Variants in SBF2 observed in about 807,000 individuals in gnomAD.
SBF2 encodes the protein SET binding factor 2.
Under a neutral mutation model 225.2 loss-of-function variants are expected in SBF2, and 112 were observed. That is an observed-to-expected ratio of 0.50 (90% CI 0.43 to 0.58). The LOEUF is 0.58. Ranked by LOEUF, SBF2 falls within the 20% of genes least tolerant of loss-of-function variation. The probability of loss-of-function intolerance (pLI) is 0.00; values close to 1 mark genes in which losing one functional copy is unlikely to be tolerated. For synonymous variants in SBF2, 763 were observed against 773.3 expected (o/e 0.99, Z 0.22); for missense variants, 1,996 against 2,206.2 (o/e 0.90, Z 1.91).
At chr11:9,850,521 G>A (rs1856848986) in intron 21 of SBF2, among the ~76,000 whole-genome samples, 1 of 152,058 alleles carries the variant, frequency 6.6e-6, no homozygotes, top group Non-Finnish European at 1.5e-5. Flanking sequence ...GCCTCCCAAA[G>A]TGCTAGGATT....
In SBF2 at chr11:9,938,174, C is replaced by T. The variant is rs1229715090; in HGVS notation, c.1860+23783G>A. Among the ~76,000 whole-genome samples the T allele has an allele frequency of 2.0e-5, 3 of 151,834 alleles. No homozygotes were observed. The East Asian group carries it at 5.8e-4, about 29-fold the overall frequency. Reference sequence around the variant, plus strand: ...GGCGTGGTGGCGGGCGCCTCTAGTCCCAGCTACTCAAGAGGCTGTGGCAGG... The same window carrying T: ...GGCGTGGTGGCGGGCGCCTCTAGTCTCAGCTACTCAAGAGGCTGTGGCAGG... On this transcript the variant is annotated intron_variant, in intron 16 of 39. Coordinates refer to ENST00000256190, the MANE Select transcript of SBF2 (RefSeq NM_030962.4).
At chr11:10,166,223 T>C (rs1276701430) in intron 2 of SBF2, among the ~76,000 whole-genome samples, 9 of 152,202 alleles carry the variant, frequency 5.9e-5, no homozygotes. Flanking sequence ...GTATACAAAC[T>C]TATTTAATCA....
At chr11:10,176,953 G>A (rs1956493778) in intron 2 of SBF2, among the ~76,000 whole-genome samples, 1 of 152,232 alleles carries the variant, frequency 6.6e-6, no homozygotes, top group East Asian at 1.9e-4. Flanking sequence ...TAAAATACTG[G>A]CAAACCGAAT....
intron 2 of SBF2, among the ~76,000 whole-genome samples, chr11:10,175,351 G>T (rs1247716968): frequency 6.6e-6 from 1 of 151,122 alleles, no homozygotes; most frequent in Non-Finnish European, 1.5e-5. Flanking sequence ...AAAAAGGTAG[G>T]GGTTGCAATC....
intron 3 of SBF2, 70 bp downstream of exon 3, chr11:10,042,774 T>G: frequency 6.5e-7 from 1 of 1,534,788 alleles, no homozygotes; most frequent in Non-Finnish European, 9.0e-7. Flanking sequence ...GTAACAAAAA[T>G]ATGGCATATA....
At chr11:10,286,351 G>GTTTTT (rs34975719) in intron 1 of SBF2, among the ~76,000 whole-genome samples, 2 of 142,622 alleles carry the variant, frequency 1.4e-5, no homozygotes, top group Admixed American at 7.0e-5. Flanking sequence ...TTGTTCTTTG[G>GTTTTT]TTTTTTTTTT....
At position 10,080,939 on chromosome 11, in the gene SBF2, T is replaced by G. The variant is rs182602390; in HGVS notation, c.142-37958A>C. 2.6e-5 allele frequency among the ~76,000 whole-genome samples: 4 copies of G among 151,950 alleles called. No homozygotes were observed. The East Asian group carries it at 7.7e-4, about 29-fold the overall frequency. ...TCCTAAATATATATGGACCCAACAC[T>G]GCAGCACCCAGATTCATAAAACAAG... On this transcript the variant is annotated intron_variant, in intron 2 of 39. Coordinates refer to ENST00000256190, the MANE Select transcript of SBF2 (RefSeq NM_030962.4).
At chr11:10,046,973 C>T (rs115558801) in intron 2 of SBF2, among the ~76,000 whole-genome samples, 529 of 151,620 alleles carry the variant, frequency 3.5e-3, no homozygotes, top group African/African-American at 0.012. Context: ...ACCACTTTTC[C>T]TTTATGTCAG....
intron 13 of SBF2, among the ~76,000 whole-genome samples, chr11:9,975,689 G>A (rs1374742218): frequency 1.3e-5 from 2 of 152,094 alleles, no homozygotes; most frequent in African/African-American, 4.8e-5. Context: ...GGACGGGAGG[G>A]GGGTTCAATT....
intron 2 of SBF2, among the ~76,000 whole-genome samples, chr11:10,138,635 A>G (rs1954498943): frequency 6.6e-6 from 1 of 151,952 alleles, no homozygotes; most frequent in South Asian, 2.1e-4. Flanking sequence ...CTTTAGCTGA[A>G]TCTCAGAATT....
rs1259623554 is a variant in SBF2, at chr11:9,790,536, T to TA, written c.4698+19dup. 1.3e-6 allele frequency: 2 copies of TA among 1,570,010 alleles called. No individual in the cohort carries two copies. The highest frequency in any genetic ancestry group is 1.7e-6 in the Non-Finnish European group (2 of 1,145,742). On this transcript the variant is annotated intron_variant, in intron 34 of 39. Coordinates refer to ENST00000256190, the MANE Select transcript of SBF2 (RefSeq NM_030962.4). ...ACACAAAATTTCAGAAAGTGAAACA[T>TA]AAATGATTTCTTACTCTACCTCTAT...
intron 1 of SBF2, among the ~76,000 whole-genome samples, chr11:10,199,150 G>A (rs1041409768): frequency 2.0e-5 from 3 of 151,988 alleles, no homozygotes; most frequent in Non-Finnish European, 2.9e-5. Context: ...CCACTTAAAG[G>A]CCATTGTAAA....
At chr11:9,936,900 A>C (rs183040699) in intron 16 of SBF2, among the ~76,000 whole-genome samples, 1 of 152,096 alleles carries the variant, frequency 6.6e-6, no homozygotes, top group East Asian at 1.9e-4. Flanking sequence ...TGAGAGCAAG[A>C]ACTCCTTTAC....
chr11:9,939,147 G>A (rs748587200), intron 16 of SBF2, among the ~76,000 whole-genome samples: 6 of 152,066 alleles, frequency 3.9e-5, no homozygotes, highest in Admixed American at 1.3e-4. Context: ...CTAGGCTGGA[G>A]TGCAGTGGTG....
chr11:10,109,232 A>G (rs1458214466), intron 2 of SBF2, among the ~76,000 whole-genome samples: 1 of 152,136 alleles, frequency 6.6e-6, no homozygotes, highest in Admixed American at 6.5e-5. Flanking sequence ...TCTATGAATA[A>G]ACCTTATAAT....
intron 3 of SBF2, 44 bp from the exon 4 acceptor site, chr11:10,031,214 T>C: frequency 1.9e-6 from 3 of 1,601,432 alleles, no homozygotes; most frequent in Non-Finnish European, 2.6e-6. Context: ...AGGGATTTCC[T>C]AGGTTCATAA....
intron 17 of SBF2, among the ~76,000 whole-genome samples, chr11:9,884,858 T>C (rs189600827): frequency 6.6e-6 from 1 of 152,156 alleles, no homozygotes; most frequent in Non-Finnish European, 1.5e-5. Context: ...ATAACTTAAA[T>C]ATTCAATCAT....
chr11:10,024,667 C>G (rs575461230), intron 6 of SBF2, among the ~76,000 whole-genome samples: 1 of 152,280 alleles, frequency 6.6e-6, no homozygotes. Context: ...GCTTCCTCAA[C>G]AGCCAGAATT....
chr11:10,085,549 T>C (rs1951532701), intron 2 of SBF2, among the ~76,000 whole-genome samples: 1 of 152,230 alleles, frequency 6.6e-6, no homozygotes, highest in Non-Finnish European at 1.5e-5. Context: ...TCATTTTCTG[T>C]TCATTTTTAT....
Sources: allele counts gnomAD v4.1 joint callset (sites outside exome capture counted in the v4.1 genomes callset), GRCh38; gene constraint gnomAD v4.1.1; transcripts MANE v1.5; gene names NCBI Gene and HGNC (gene_info 2026-07-23, HGNC 2026-07-21).